MARCHF11: variants seen among roughly 807,000 people sequenced by gnomAD.
MARCHF11 encodes the protein E3 ubiquitin-protein ligase MARCHF11.
MARCHF11 carries 29 observed loss-of-function variants against 37.3 expected under a neutral mutation model. The observed-to-expected ratio is 0.78, with a 90% CI of 0.58 to 1.06. MARCHF11 has a LOEUF of 1.06. MARCHF11 is among the 50% of genes least tolerant of loss of function. MARCHF11 has a pLI of 0.00. For synonymous variants in MARCHF11, 233 were observed against 228.0 expected (o/e 1.02, Z -0.20); for missense variants, 482 against 533.4 (o/e 0.90, Z 0.95).
intron 2 of MARCHF11, among the ~76,000 whole-genome samples, chr5:16,095,289 T>C (rs1736847567): frequency 6.6e-6 from 1 of 152,180 alleles, no homozygotes; most frequent in Non-Finnish European, 1.5e-5. Context: ...CAAGGGGAGA[T>C]GTCCCTCTAA....
In MARCHF11 at chr5:16,165,647, G is replaced by A. The variant is rs1273353407; in HGVS notation, c.693+12079C>T. 4.6e-5 allele frequency among the ~76,000 whole-genome samples: 7 copies of A among 152,118 alleles called. No homozygotes were observed. In the East Asian group the frequency reaches 5.8e-4, roughly 13 times the overall value. On this transcript the variant is annotated intron_variant, in intron 2 of 3. Coordinates refer to ENST00000332432, the MANE Select transcript of MARCHF11 (RefSeq NM_001102562.3). ...TTTCTCACGGTTAGACTATAGTTAC[G>A]GGTTTTAGAGAGGAAGACCACAGGT...
chr5:16,171,679 G>C (rs1738269002), intron 2 of MARCHF11, among the ~76,000 whole-genome samples: 1 of 152,100 alleles, frequency 6.6e-6, no homozygotes, highest in Admixed American at 6.5e-5. Flanking sequence ...GGCCCTCCTA[G>C]CCTAAAATAT....
intron 2 of MARCHF11, among the ~76,000 whole-genome samples, chr5:16,103,031 A>T (rs1417445219): frequency 1.3e-5 from 2 of 150,832 alleles, no homozygotes; most frequent in Admixed American, 1.3e-4. Context: ...GTATAAATGT[A>T]TTCATTCAAC....
At chr5:16,114,298 A>T (rs532546997) in intron 2 of MARCHF11, among the ~76,000 whole-genome samples, 1 of 152,332 alleles carries the variant, frequency 6.6e-6, no homozygotes, top group East Asian at 1.9e-4. Context: ...TATTTTCAAA[A>T]GAAGGCAATG....
At chr5:16,072,642 T>A (rs1736458159) in intron 3 of MARCHF11, among the ~76,000 whole-genome samples, 1 of 152,106 alleles carries the variant, frequency 6.6e-6, no homozygotes, top group African/African-American at 2.4e-5. Flanking sequence ...GATATGCTGC[T>A]GGCCAAATAT....
intron 2 of MARCHF11, among the ~76,000 whole-genome samples, chr5:16,091,866 GAATT>G (rs1365850299): frequency 6.6e-6 from 1 of 152,266 alleles, no homozygotes; most frequent in Non-Finnish European, 1.5e-5. Flanking sequence ...TGACTGGAGA[GAATT>G]AATTAATCAT....
At chr5:16,095,999 A>G (rs1414232000) in intron 2 of MARCHF11, among the ~76,000 whole-genome samples, 2 of 152,238 alleles carry the variant, frequency 1.3e-5, no homozygotes, top group Non-Finnish European at 2.9e-5. Flanking sequence ...TATGGGATAA[A>G]GATCCACTCT....
At chr5:16,082,163 G>T (rs1042807353) in intron 3 of MARCHF11, among the ~76,000 whole-genome samples, 1 of 152,198 alleles carries the variant, frequency 6.6e-6, no homozygotes, top group Non-Finnish European at 1.5e-5. Flanking sequence ...CTTTCCAGGG[G>T]CTTTCCCAGT....
intron 2 of MARCHF11, among the ~76,000 whole-genome samples, chr5:16,115,135 G>A (rs375648777): frequency 6.6e-6 from 1 of 152,166 alleles, no homozygotes; most frequent in South Asian, 2.1e-4. Context: ...GAGGGACTTT[G>A]TAAAGGGCAT....
At chr5:16,170,208 T>C (rs1235152039) in intron 2 of MARCHF11, among the ~76,000 whole-genome samples, 2 of 152,152 alleles carry the variant, frequency 1.3e-5, no homozygotes, top group African/African-American at 4.8e-5. Flanking sequence ...CAGTAAAATT[T>C]CCAACAAATT....
chr5:16,071,023 A>G (rs1736427366), intron 3 of MARCHF11, among the ~76,000 whole-genome samples: 2 of 152,146 alleles, frequency 1.3e-5, no homozygotes, highest in Admixed American at 1.3e-4. Context: ...TGTGACTACT[A>G]TGATCATTAA....
intron 2 of MARCHF11, among the ~76,000 whole-genome samples, chr5:16,171,657 G>A (rs374996894): frequency 6.6e-6 from 1 of 152,186 alleles, no homozygotes; most frequent in African/African-American, 2.4e-5. Flanking sequence ...TGCTAGGACA[G>A]GAGCTTATAA....
intron 2 of MARCHF11, among the ~76,000 whole-genome samples, chr5:16,139,154 T>G (rs1342943605): frequency 1.3e-5 from 2 of 152,180 alleles, no homozygotes; most frequent in African/African-American, 4.8e-5. Context: ...AATCTTGCCT[T>G]GAATTGTAGC....
At chr5:16,145,514 A>G (rs1476842595) in intron 2 of MARCHF11, among the ~76,000 whole-genome samples, 1 of 152,168 alleles carries the variant, frequency 6.6e-6, no homozygotes, top group Non-Finnish European at 1.5e-5. Flanking sequence ...ATACATTTCT[A>G]TTGTTTAAGC....
chr5:16,167,451 T>C lies in MARCHF11; in HGVS notation c.693+10275A>G, dbSNP rs148370618. On this transcript the variant is annotated intron_variant, in intron 2 of 3. Transcript: ENST00000332432. Reference sequence around the variant, plus strand: ...CAGCATGAAAACAGGTAAGCTGAGTTCTCTCTCAGTCAAGGGAAGGTCAGC... The same window carrying C: ...CAGCATGAAAACAGGTAAGCTGAGTCCTCTCTCAGTCAAGGGAAGGTCAGC... 4.4e-3 allele frequency among the ~76,000 whole-genome samples: 672 copies of C among 152,182 alleles called. 2 individuals are homozygous for C. The highest frequency in any genetic ancestry group is 7.4e-3 in the Non-Finnish European group (504 of 67,982).
chr5:16,074,240 A>G (rs1736479649), intron 3 of MARCHF11, among the ~76,000 whole-genome samples: 1 of 152,226 alleles, frequency 6.6e-6, no homozygotes, highest in African/African-American at 2.4e-5. Flanking sequence ...AACCTCTGGG[A>G]CACAGCCTAA....
intron 2 of MARCHF11, among the ~76,000 whole-genome samples, chr5:16,174,388 T>A (rs1738321717): frequency 6.6e-6 from 1 of 152,242 alleles, no homozygotes; most frequent in African/African-American, 2.4e-5. Flanking sequence ...ACAGGATACA[T>A]CTGCTAGCTT....
At chr5:16,152,764 T>C (rs1737909304) in intron 2 of MARCHF11, among the ~76,000 whole-genome samples, 1 of 152,026 alleles carries the variant, frequency 6.6e-6, no homozygotes, top group African/African-American at 2.4e-5. Flanking sequence ...AGTGGCATCA[T>C]GTGTTATCTC....
At chr5:16,128,590 T>C (rs546750574) in intron 2 of MARCHF11, among the ~76,000 whole-genome samples, 71 of 152,244 alleles carry the variant, frequency 4.7e-4, no homozygotes, top group Non-Finnish European at 8.4e-4. Flanking sequence ...CGTTCTTCAT[T>C]ACCACTTACG....
Sources: allele counts gnomAD v4.1 joint callset (sites outside exome capture counted in the v4.1 genomes callset), GRCh38; gene constraint gnomAD v4.1.1; transcripts MANE v1.5; gene names NCBI Gene and HGNC (gene_info 2026-07-23, HGNC 2026-07-21).